CDC20B: variants seen among roughly 807,000 people sequenced by gnomAD.
CDC20B encodes cell division cycle protein 20 homolog B.
Under a neutral mutation model 64.1 loss-of-function variants are expected in CDC20B, and 58 were observed. The observed-to-expected ratio is 0.90, with a 90% CI of 0.73 to 1.13. The LOEUF is 1.13. Ranked by LOEUF, CDC20B falls within the 50% of genes most tolerant of loss-of-function variation. The pLI is 0.00. For synonymous variants in CDC20B, 243 were observed against 230.6 expected, an observed-to-expected ratio of 1.05 and a Z score of -0.49; for missense variants, 597 against 633.0, an observed-to-expected ratio of 0.94 and a Z score of 0.61.
intron 4 of CDC20B, among the ~76,000 whole-genome samples, chr5:55,142,555 C>G (rs994673417): frequency 6.6e-6 from 1 of 152,110 alleles, no homozygotes; most frequent in African/African-American, 2.4e-5. Context: ...AGGGGTAGGG[C>G]AGCAAAAACT....
At position 55,129,426 on chromosome 5, in the gene CDC20B, T is replaced by C. The variant is rs113082788; in HGVS notation, c.698-809A>G. Among the ~76,000 whole-genome samples, 1,278 of 152,230 alleles carry C rather than the reference T, an allele frequency of 8.4e-3. 8 individuals carry two copies. The highest frequency in any genetic ancestry group is 0.014 in the Middle Eastern group (4 of 294). On this transcript the variant is annotated intron_variant, in intron 6 of 11. Coordinates refer to ENST00000381375, the MANE Select transcript of CDC20B (RefSeq NM_001170402.1). ...CTTTTCTTCTTTCACACCTTTGCCC[T>C]GAGGACAGGCCCCATTGATGGAGTG...
chr5:55,130,357 A>G (rs1742998982), intron 6 of CDC20B, among the ~76,000 whole-genome samples: 1 of 152,204 alleles, frequency 6.6e-6, no homozygotes, highest in Non-Finnish European at 1.5e-5. Context: ...AAATTTCTTA[A>G]AGAATGAAGC....
chr5:55,160,837 A>T, intron 2 of CDC20B: 1 of 713,762 alleles, frequency 1.4e-6, no homozygotes, highest in Non-Finnish European at 2.2e-6. Context: ...CATCTAGGTT[A>T]CAGTTTTCAA....
chr5:55,155,896 C>G (rs1324829231), intron 2 of CDC20B, among the ~76,000 whole-genome samples: 1 of 152,182 alleles, frequency 6.6e-6, no homozygotes, highest in East Asian at 1.9e-4. Flanking sequence ...TTCTCCATGC[C>G]TTCCCCTTTC....
intron 6 of CDC20B, among the ~76,000 whole-genome samples, 157 bp downstream of exon 6, chr5:55,133,255 C>T (rs1222736081): frequency 6.6e-6 from 1 of 152,098 alleles, no homozygotes; most frequent in Admixed American, 6.5e-5. Flanking sequence ...AAAGTTGCAC[C>T]AGGAAAAGCC....
intron 9 of CDC20B, among the ~76,000 whole-genome samples, chr5:55,123,879 AT>A (rs1742815019): frequency 6.6e-6 from 1 of 152,174 alleles, no homozygotes; most frequent in Admixed American, 6.5e-5. Context: ...AGCCAGGAAT[AT>A]TGGGCCAGTA....
intron 2 of CDC20B, chr5:55,160,890 G>A (rs1255143910): frequency 8.5e-7 from 1 of 1,173,240 alleles, no homozygotes; most frequent in Non-Finnish European, 1.2e-6. Flanking sequence ...ACATCAATCA[G>A]AGGTTATAGT....
At chr5:55,164,322 G>A (rs1479923554) in intron 2 of CDC20B, 2 of 792,306 alleles carry the variant, frequency 2.5e-6, no homozygotes, top group East Asian at 3.0e-5. Flanking sequence ...CTGTCACCCA[G>A]GCTGGAGTGC....
chr5:55,116,558 T>C (rs1317202922), intron 11 of CDC20B, among the ~76,000 whole-genome samples: 4 of 152,330 alleles, frequency 2.6e-5, no homozygotes, highest in African/African-American at 7.2e-5. Flanking sequence ...AAGTGATCCT[T>C]CCACCTCAGT....
chr5:55,135,233 C>CTATA (rs565350239), intron 5 of CDC20B, among the ~76,000 whole-genome samples: 5 of 146,830 alleles, frequency 3.4e-5, no homozygotes, highest in African/African-American at 7.5e-5. Context: ...GTGTGTGTGT[C>CTATA]TATATATATA....
chr5:55,126,371 C>T (rs774949170), intron 8 of CDC20B: 3 of 182,508 alleles, frequency 1.6e-5, no homozygotes, highest in South Asian at 1.5e-4. Flanking sequence ...TGGTGGTGGG[C>T]GCCTGTAGTC....
intron 2 of CDC20B, chr5:55,166,744 C>T (rs563580320): frequency 2.0e-5 from 3 of 152,390 alleles, no homozygotes; most frequent in Admixed American, 2.0e-4. Flanking sequence ...ATATCAACAT[C>T]AGAGCCTGGC....
rs116617945 is a variant in CDC20B at position 55,118,644 on chromosome 5, A to T, written c.1459+1157T>A. The stretch of plus-strand genomic sequence containing the variant: ...AATCTGAAAAGGTCCAGGGAATTGC[A>T]TGTCTTTTGATTAAAAATATGAGGA... On this transcript the variant is annotated intron_variant, in intron 11 of 11. Coordinates refer to ENST00000381375, the MANE Select transcript of CDC20B (RefSeq NM_001170402.1). Among the ~76,000 whole-genome samples, 615 of 152,288 alleles carry T rather than the reference A, an allele frequency of 4.0e-3. 7 individuals are homozygous for T. Among genetic ancestry groups the T allele is most frequent in the African/African-American group, 0.014 (588 of 41,546 alleles).
At chr5:55,121,253 C>T (rs1332430537) in intron 9 of CDC20B, among the ~76,000 whole-genome samples, 2 of 152,098 alleles carry the variant, frequency 1.3e-5, no homozygotes, top group African/African-American at 4.8e-5. Context: ...CTCTTCTACA[C>T]ATAAAAATAT....
intron 2 of CDC20B, among the ~76,000 whole-genome samples, chr5:55,163,309 C>T (rs573189665): frequency 1.1e-4 from 16 of 152,014 alleles, no homozygotes; most frequent in Middle Eastern, 3.4e-3. Flanking sequence ...CACTTTAGTG[C>T]CCAGGAGTTC....
chr5:55,117,099 T>A (rs1000321443), intron 11 of CDC20B, among the ~76,000 whole-genome samples: 1 of 152,218 alleles, frequency 6.6e-6, no homozygotes, highest in Non-Finnish European at 1.5e-5. Context: ...CATGGAATGA[T>A]GAAACCAAGC....
At chr5:55,138,477 A>G (rs1743243919) in intron 5 of CDC20B, among the ~76,000 whole-genome samples, 1 of 152,066 alleles carries the variant, frequency 6.6e-6, no homozygotes, top group South Asian at 2.1e-4. Flanking sequence ...TTTATACTGA[A>G]TTTACCCTGG....
In CDC20B at chr5:55,138,019, C is replaced by A. The variant is rs1027727894; in HGVS notation, c.580+2295G>T. 3.3e-5 allele frequency among the ~76,000 whole-genome samples: 5 copies of A among 151,870 alleles called. No individual in the cohort carries two copies. The East Asian group carries it at 9.7e-4, about 29-fold the overall frequency. Reference sequence around the variant, plus strand: ...TCCCACACATACACACACACCCTGCCCAACCAAGTAAATACAGACACACAT... The same window carrying A: ...TCCCACACATACACACACACCCTGCACAACCAAGTAAATACAGACACACAT... On this transcript the variant is annotated intron_variant, in intron 5 of 11. Transcript: ENST00000381375.
chr5:55,136,151 T>A (rs1234127812), intron 5 of CDC20B: 1 of 152,068 alleles, frequency 6.6e-6, no homozygotes, highest in Non-Finnish European at 1.5e-5. Context: ...TTTCACTATG[T>A]TGGCCAGGCT....
Sources: gnomAD v4.1 joint callset for allele counts (sites outside exome capture counted in the v4.1 genomes callset) on GRCh38, gnomAD v4.1.1 for gene constraint, MANE v1.5 for transcripts, NCBI Gene and HGNC (gene_info 2026-07-23, HGNC 2026-07-21) for gene names.